The following SENP5 variants were observed in gnomAD, a reference collection of about 807,000 sequenced individuals.
The protein encoded by SENP5 is sentrin-specific protease 5.
A neutral mutation model predicts 74.2 loss-of-function variants in SENP5; 21 were observed. That is an observed-to-expected ratio of 0.28 (90% CI 0.20 to 0.41). The LOEUF is 0.41. SENP5 is among the 10% of genes least tolerant of loss of function. The probability of loss-of-function intolerance (pLI) is 1.00; values close to 1 mark genes in which losing one functional copy is unlikely to be tolerated. For missense variants in SENP5, 717 were observed against 889.1 expected (o/e 0.81, Z 2.46); for synonymous variants, 311 against 312.7 (o/e 0.99, Z 0.06).
At chr3:196,902,347 G>A (rs1239014928) in intron 5 of SENP5, among the ~76,000 whole-genome samples, 1 of 152,174 alleles carries the variant, frequency 6.6e-6, no homozygotes, top group African/African-American at 2.4e-5. Flanking sequence ...AGGCTAGCTT[G>A]AGCTCTGGGC....
At position 196,901,250 on chromosome 3, in the gene SENP5, G is replaced by A. The variant is rs142970385; in HGVS notation, c.1806+838G>A. 2.2e-3 allele frequency among the ~76,000 whole-genome samples: 336 copies of A among 151,642 alleles called. 11 individuals are homozygous for A. In the East Asian group the frequency reaches 0.056, roughly 25 times the overall value. On this transcript the variant is annotated intron_variant, in intron 5 of 9. Transcript: ENST00000323460. ...TAGGAGAGACAGGTCTTACCATGTTGGGCAGGCTGGTCTCGAACTCCTGAC... is the reference window on the plus strand; with the variant it reads ...TAGGAGAGACAGGTCTTACCATGTTAGGCAGGCTGGTCTCGAACTCCTGAC...
Position 196,927,965 on chromosome 3 carries a change from T to G in SENP5, c.2106+86T>G, listed in dbSNP as rs878935071. On this transcript the variant is annotated intron_variant, in intron 8 of 9. Coordinates refer to ENST00000323460, the MANE Select transcript of SENP5 (RefSeq NM_152699.5). ...GGTGCCTTTAAGAGCATTTGAAGAC[T>G]AGTGACAGAGATACCAAGGAGAGCC... 53 of 789,068 alleles carry G rather than the reference T, an allele frequency of 6.7e-5. No individual in the cohort carries two copies. In the South Asian group the frequency reaches 8.6e-4, roughly 13 times the overall value. The allele number at this position is 789,068 out of a possible 1,614,324, so 48.9% of individuals were successfully genotyped here. A position where few individuals can be genotyped will look rare whatever the true frequency, so the allele number is the denominator to read the frequency against.
At chr3:196,873,368 C>A (rs1038729117) in intron 1 of SENP5, among the ~76,000 whole-genome samples, 1 of 151,854 alleles carries the variant, frequency 6.6e-6, no homozygotes, top group Non-Finnish European at 1.5e-5. Context: ...CCACCGCGCC[C>A]GGCCCCAGCC....
rs147243443 is a variant in SENP5, at chr3:196,908,776, T to C, written c.1884+5166T>C. On this transcript the variant is annotated intron_variant, in intron 6 of 9. Coordinates refer to ENST00000323460, the MANE Select transcript of SENP5 (RefSeq NM_152699.5). ...AGGTGGAGGTTGTGGTGAGCTGAGA[T>C]TGCGCCATTGCACTCCAGCCTGGGC... is the stretch of plus-strand genomic sequence containing the variant. 6.0e-3 allele frequency among the ~76,000 whole-genome samples: 908 copies of C among 152,162 alleles called. 10 individuals are homozygous for C. The highest frequency in any genetic ancestry group is 7.9e-3 in the Non-Finnish European group (537 of 68,016).
chr3:196,882,230 C>T (rs992683512), intron 1 of SENP5, among the ~76,000 whole-genome samples: 1 of 151,204 alleles, frequency 6.6e-6, no homozygotes, highest in Non-Finnish European at 1.5e-5. Flanking sequence ...GTAAAATATA[C>T]ATAACATAAA....
At chr3:196,887,595 G>A (rs1199117123) in intron 2 of SENP5, among the ~76,000 whole-genome samples, 4 of 151,556 alleles carry the variant, frequency 2.6e-5, no homozygotes, top group African/African-American at 4.9e-5. Context: ...CAGAATATAT[G>A]ACCTTCAGGG....
intron 2 of SENP5, among the ~76,000 whole-genome samples, chr3:196,888,340 T>C (rs1309894811): frequency 6.6e-6 from 1 of 152,074 alleles, no homozygotes; most frequent in Non-Finnish European, 1.5e-5. Context: ...CCCAACACTT[T>C]GGGAGGCCGA....
intron 6 of SENP5, among the ~76,000 whole-genome samples, chr3:196,905,432 C>G (rs941444542): frequency 1.3e-5 from 2 of 152,174 alleles, no homozygotes; most frequent in Non-Finnish European, 2.9e-5. Flanking sequence ...GTGCCCCCCA[C>G]CCACTTCAGA....
chr3:196,914,780 AAATC>A (rs1364552000), intron 6 of SENP5, among the ~76,000 whole-genome samples: 2 of 151,644 alleles, frequency 1.3e-5, no homozygotes, highest in Admixed American at 1.3e-4. Context: ...TAAGAACCAG[AAATC>A]AGGTGAGTGA....
rs540699613 is a variant in SENP5 at position 196,868,062 on chromosome 3, C to G, written c.-43C>G. 3.3e-5 allele frequency: 5 copies of G among 152,280 alleles called. No homozygotes were observed. Among genetic ancestry groups the G allele is most frequent in the Admixed American group, 1.3e-4 (2 of 15,282 alleles). 9.4% of individuals were successfully genotyped at this position (152,280 alleles called of 1,614,324 possible). The stretch of plus-strand genomic sequence containing the variant: ...CCGGCGGCGGGGCAGCTGCCAGGAA[C>G]GAGGGTAGCAGGTAAGCGGGGACGC... On this transcript the variant is annotated 5_prime_UTR_variant, in exon 1 of 10. Transcript: ENST00000323460.
chr3:196,881,149 T>C (rs941036964), intron 1 of SENP5, among the ~76,000 whole-genome samples: 6 of 151,998 alleles, frequency 3.9e-5, no homozygotes, highest in African/African-American at 1.4e-4. Flanking sequence ...GGTTTCATCA[T>C]GTTGCCCAGA....
intron 2 of SENP5, among the ~76,000 whole-genome samples, chr3:196,890,545 G>A (rs552665021): frequency 1.4e-5 from 2 of 145,060 alleles, no homozygotes; most frequent in African/African-American, 2.4e-5. Flanking sequence ...TGACAGTAGC[G>A]GGTTGCTGCA....
intron 1 of SENP5, among the ~76,000 whole-genome samples, chr3:196,879,910 A>G (rs182404309): frequency 9.2e-4 from 140 of 152,218 alleles, no homozygotes; most frequent in African/African-American, 3.3e-3. Flanking sequence ...GTTTTTCTAT[A>G]TGCTTCACCT....
chr3:196,918,036 A>G (rs75202373), intron 6 of SENP5, among the ~76,000 whole-genome samples: 2,617 of 149,498 alleles, frequency 0.018, 128 homozygotes, highest in African/African-American at 0.06. Context: ...ATGGCCGGGC[A>G]CGGTGGCTCA....
At chr3:196,915,039 CAGA>C (rs1468902568) in intron 6 of SENP5, among the ~76,000 whole-genome samples, 1 of 152,212 alleles carries the variant, frequency 6.6e-6, no homozygotes, top group Non-Finnish European at 1.5e-5. Context: ...AGGGAGCATT[CAGA>C]CTAGCCCCAG....
chr3:196,885,497 TC>T lies in SENP5; in HGVS notation c.318del (p.Ser107ProfsTer6), dbSNP rs764166907. ...VKRKDAKHFI[S>X]SSKTLLRLQA... ...AAGAAAGGACGCTAAACACTTCATT[TC>T]CTCCTCAAAGACTCTCCTGAGACTC... On this transcript the variant is annotated frameshift_variant, in exon 2 of 10. Coordinates refer to ENST00000323460, the MANE Select transcript of SENP5 (RefSeq NM_152699.5). LOFTEE classifies it high-confidence loss of function. The T allele has an allele frequency of 3.1e-6, 5 of 1,614,120 alleles. No individual in the cohort carries two copies. Among genetic ancestry groups the T allele is most frequent in the Non-Finnish European group, 4.2e-6 (5 of 1,180,042 alleles).
intron 1 of SENP5, among the ~76,000 whole-genome samples, chr3:196,870,610 C>T (rs776572097): frequency 4.6e-5 from 7 of 151,940 alleles, no homozygotes; most frequent in South Asian, 2.1e-4. Flanking sequence ...TTCCGCCTCC[C>T]GGGTTCAAGT....
rs63736860 is a variant in SENP5, at chr3:196,930,799, C to CT, written c.2158-5dup. 127 of 1,533,784 alleles carry CT rather than the reference C, an allele frequency of 8.3e-5. No individual in the cohort carries two copies. Among genetic ancestry groups the CT allele is most frequent in the South Asian group, 1.2e-4 (11 of 88,910 alleles). ...AGTGCCACTGAAGTGTTTCTGGGAC[C>CT]TTTTTTTTTGCAGTACTGCAAGTGC... On this transcript the variant is annotated splice_polypyrimidine_tract_variant and intron_variant, in intron 9 of 9. Transcript: ENST00000323460.
chr3:196,929,754 G>C, intron 9 of SENP5, 71 bp downstream of exon 9: 1 of 1,019,260 alleles, frequency 9.8e-7, no homozygotes, highest in Non-Finnish European at 1.6e-6. Context: ...GGGGAGAGAT[G>C]GCAGTTCCTG....
Sources: gnomAD v4.1 joint callset for allele counts (sites outside exome capture counted in the v4.1 genomes callset) on GRCh38, gnomAD v4.1.1 for gene constraint, MANE v1.5 for transcripts, NCBI Gene and HGNC (gene_info 2026-07-23, HGNC 2026-07-21) for gene names.